Variants in FAM78B observed in about 807,000 individuals in gnomAD.
FAM78B encodes the protein family with sequence similarity 78 member B, also known as protein FAM78B.
In FAM78B, 10 loss-of-function variants were observed where a neutral mutation model predicts 20.0. The ratio of observed to expected loss-of-function variants is 0.50; its 90% CI spans 0.31 to 0.85. FAM78B has a LOEUF of 0.85. Ranked by LOEUF, FAM78B falls within the 40% of genes least tolerant of loss-of-function variation. The pLI is 0.05. For synonymous variants in FAM78B, 135 were observed against 132.8 expected (o/e 1.02, Z -0.12); for missense variants, 283 against 345.0 (o/e 0.82, Z 1.42).
chr1:166,099,659 A>T (rs981140601), intron 1 of FAM78B, among the ~76,000 whole-genome samples: 1 of 151,642 alleles, frequency 6.6e-6, no homozygotes, highest in African/African-American at 2.4e-5. Context: ...TTAAAGCAAC[A>T]GCAGTTAAAA....
chr1:166,125,786 T>C (rs1391057440), intron 1 of FAM78B, among the ~76,000 whole-genome samples: 1 of 152,116 alleles, frequency 6.6e-6, no homozygotes, highest in African/African-American at 2.4e-5. Flanking sequence ...AATTGCAACA[T>C]TATATTGCAT....
At chr1:166,149,668 A>G (rs188202500) in intron 1 of FAM78B, among the ~76,000 whole-genome samples, 2 of 152,348 alleles carry the variant, frequency 1.3e-5, no homozygotes, top group Admixed American at 1.3e-4. Flanking sequence ...ACATGGAAGC[A>G]TTTTTGTAAA....
chr1:166,141,665 T>G (rs1482439053), intron 1 of FAM78B, among the ~76,000 whole-genome samples: 4 of 151,982 alleles, frequency 2.6e-5, no homozygotes, highest in Non-Finnish European at 5.9e-5. Context: ...AGCTTGGAGG[T>G]GATGGGAGGT....
At chr1:166,152,898 G>A (rs917545399) in intron 1 of FAM78B, among the ~76,000 whole-genome samples, 1 of 151,990 alleles carries the variant, frequency 6.6e-6, no homozygotes, top group African/African-American at 2.4e-5. Flanking sequence ...GGATGGTCTC[G>A]ATTTCTTGAC....
At chr1:166,079,161 GGCCTCCAGGGATCCTCCT>G (rs1419320879) in intron 1 of FAM78B, among the ~76,000 whole-genome samples, 1 of 152,026 alleles carries the variant, frequency 6.6e-6, no homozygotes, top group African/African-American at 2.4e-5. Flanking sequence ...TTGACTTCCT[GGCCTCCAGGGATCCTCCT>G]GCCTCCGCCC....
rs557467535 is a variant in FAM78B at position 166,076,107 on chromosome 1, C to T, written c.264-5344G>A. ...TCTCCTTGCTAATTACTCAACTTTG[C>T]GTCCCTGTTCTATTGTCAACATGGC... On this transcript the variant is annotated intron_variant, in intron 1 of 1. Transcript: ENST00000354422. 1.8e-4 allele frequency among the ~76,000 whole-genome samples: 27 copies of T among 152,340 alleles called. 1 individual carries two copies. The highest frequency in any genetic ancestry group is 8.3e-4 in the South Asian group (4 of 4,828).
At chr1:166,096,408 T>C (rs1653277027) in intron 1 of FAM78B, among the ~76,000 whole-genome samples, 1 of 152,160 alleles carries the variant, frequency 6.6e-6, no homozygotes, top group Admixed American at 6.5e-5. Flanking sequence ...AACAGCCCCA[T>C]GCATAGATCA....
intron 1 of FAM78B, among the ~76,000 whole-genome samples, chr1:166,109,914 A>G (rs1315676665): frequency 8.9e-6 from 1 of 112,892 alleles, no homozygotes; most frequent in African/African-American, 2.9e-5. Context: ...ATATATATAT[A>G]TATATAATGG....
intron 1 of FAM78B, among the ~76,000 whole-genome samples, chr1:166,099,342 A>G (rs571343068): frequency 1.3e-5 from 2 of 152,308 alleles, no homozygotes; most frequent in East Asian, 3.9e-4. Flanking sequence ...TACAAGTTAA[A>G]AAGCAAAAAC....
chr1:166,089,266 C>G (rs1312187191), intron 1 of FAM78B, among the ~76,000 whole-genome samples: 1 of 152,182 alleles, frequency 6.6e-6, no homozygotes, highest in Non-Finnish European at 1.5e-5. Flanking sequence ...TACATGTGAA[C>G]CTATTTATGA....
Position 166,166,212 on chromosome 1 carries a change from T to G in FAM78B, c.37A>C (p.Ile13Leu), listed in dbSNP as rs765631911. Residue 13 changes from isoleucine (I) to leucine (L), a missense_variant, in exon 1 of 2, where the codon ATC (isoleucine) becomes CTC (leucine). By Grantham distance (5) the Ile-to-Leu change is conservative. Coordinates refer to ENST00000354422, the MANE Select transcript of FAM78B (RefSeq NM_001017961.5). ...CIQSITCKARIRRENIVVYDV... is the reference protein window; with the variant it reads ...CIQSITCKARLRRENIVVYDV... ...TACACCACGATGTTCTCGCGCCGGA[T>G]CCGCGCCTTGCAGGTGATGCTTTGG... 5.1e-6 allele frequency: 8 copies of G among 1,565,790 alleles called. No homozygotes were observed. Among genetic ancestry groups the G allele is most frequent in the Non-Finnish European group, 6.9e-6 (8 of 1,154,364 alleles).
At chr1:166,096,592 G>T (rs1456466242) in intron 1 of FAM78B, among the ~76,000 whole-genome samples, 2 of 152,174 alleles carry the variant, frequency 1.3e-5, no homozygotes, top group Non-Finnish European at 2.9e-5. Context: ...TCACTTGACT[G>T]CTTTGTGCCT....
intron 1 of FAM78B, among the ~76,000 whole-genome samples, chr1:166,109,869 T>C (rs1557903272): frequency 1.4e-4 from 1 of 7,198 alleles, no homozygotes; most frequent in Non-Finnish European, 3.3e-4. Flanking sequence ...TATGTATGTG[T>C]ATATATATAT....
rs1038927244 is a variant in FAM78B at position 166,135,461 on chromosome 1, C to T, written c.263+30525G>A. On this transcript the variant is annotated intron_variant, in intron 1 of 1. Transcript: ENST00000354422. ...ATGATTCACATCGCACTACCTGAAT[C>T]CTTCCACATCAGGATTTACAATGAA... Among the ~76,000 whole-genome samples, 8 of 152,308 alleles carry T rather than the reference C, an allele frequency of 5.3e-5. No individual in the cohort carries two copies. In the East Asian group the frequency reaches 1.5e-3, roughly 29 times the overall value.
chr1:166,112,571 C>T (rs1010453793), intron 1 of FAM78B, among the ~76,000 whole-genome samples: 3 of 152,150 alleles, frequency 2.0e-5, no homozygotes, highest in Non-Finnish European at 4.4e-5. Flanking sequence ...AAAAGGAGTA[C>T]ACACTAACGT....
chr1:166,086,475 G>A (rs1488343082), intron 1 of FAM78B, among the ~76,000 whole-genome samples: 1 of 152,208 alleles, frequency 6.6e-6, no homozygotes, highest in Non-Finnish European at 1.5e-5. Flanking sequence ...TGCTCAAGGT[G>A]TAGGGGGAAG....
intron 1 of FAM78B, among the ~76,000 whole-genome samples, chr1:166,117,838 T>A (rs1416270484): frequency 1.3e-5 from 2 of 152,118 alleles, no homozygotes; most frequent in African/African-American, 4.8e-5. Flanking sequence ...TCAAGCGGGT[T>A]CTAAAAGACA....
chr1:166,075,153 A>G (rs1049199239), intron 1 of FAM78B, among the ~76,000 whole-genome samples: 3 of 152,142 alleles, frequency 2.0e-5, no homozygotes, highest in African/African-American at 4.8e-5. Flanking sequence ...TTTGCTCAGG[A>G]GAGTTAACTG....
At chr1:166,103,908 A>C (rs1653652529) in intron 1 of FAM78B, among the ~76,000 whole-genome samples, 1 of 152,180 alleles carries the variant, frequency 6.6e-6, no homozygotes, top group Middle Eastern at 3.2e-3. Context: ...AATAAAAGAG[A>C]ATTTTAGACC....
Sources: gnomAD v4.1 joint callset for allele counts (sites outside exome capture counted in the v4.1 genomes callset) on GRCh38, gnomAD v4.1.1 for gene constraint, MANE v1.5 for transcripts, NCBI Gene and HGNC (gene_info 2026-07-23, HGNC 2026-07-21) for gene names.